Variants in RGN observed in about 807,000 individuals in gnomAD.
RGN encodes regucalcin, also known as epididymis secretory protein Li 41.
In RGN, 19 loss-of-function variants were observed where a neutral mutation model predicts 20.6. That is an observed-to-expected ratio of 0.92 (90% confidence interval 0.64 to 1.35). The LOEUF (loss-of-function observed/expected upper bound fraction) is 1.35. Ranked by LOEUF, RGN falls within the 40% of genes most tolerant of loss-of-function variation. RGN has a pLI of 0.00. For synonymous variants in RGN, 85 were observed against 87.2 expected (o/e 0.97, Z 0.14); for missense variants, 302 against 232.7 (o/e 1.30, Z -1.94).
chrX:47,080,165 G>C (rs1189645294), intron 1 of RGN, among the ~76,000 whole-genome samples, 152 bp from the exon 2 acceptor site: 3 of 112,274 alleles, frequency 2.7e-5, no homozygotes, highest in Non-Finnish European at 5.6e-5. Context: ...TTACAGGCCT[G>C]AGCCCCTGTG....
At chrX:47,084,313 C>A in intron 3 of RGN, 105 bp from the exon 4 acceptor site, 2 of 663,546 alleles carry the variant, frequency 3.0e-6, no homozygotes, top group East Asian at 3.7e-5. Flanking sequence ...CCCATTGTCA[C>A]GAGAGCTGGG....
intron 2 of RGN, 73 bp from the exon 3 acceptor site, chrX:47,081,057 A>C: frequency 1.3e-6 from 1 of 747,107 alleles, no homozygotes; most frequent in Non-Finnish European, 2.1e-6. Flanking sequence ...CAGCCTTGCC[A>C]GTTCTTAGCC....
At chrX:47,092,268 G>A (rs1479879816) in intron 7 of RGN, 53 bp downstream of exon 7, 1 of 1,017,821 alleles carries the variant, frequency 9.8e-7, no homozygotes, top group Non-Finnish European at 1.3e-6. Context: ...AATACTTACA[G>A]GGGTAAGTAA....
At chrX:47,089,227 T>C (rs1357574563) in intron 4 of RGN, among the ~76,000 whole-genome samples, 3 of 43,958 alleles carry the variant, frequency 6.8e-5, no homozygotes, top group Non-Finnish European at 1.4e-4. Context: ...ATCCAGGTTT[T>C]ATAGCTGTGC....
Position 47,084,570 on chromosome X carries a change from A to G in RGN, c.316A>G (p.Lys106Glu). ...DKKNNRFNDG[K>E]VDPAGRYFAG... is the part of the protein sequence containing the mutation. ...GAAAAACAATCGCTTCAATGATGGG[A>G]AGGTGGATCCCGCCGGGAGGTACTT... The change falls in exon 4 of 8, where the codon AAG (lysine) becomes GAG (glutamate). Residue 106 changes from lysine to glutamate, a missense_variant. Coordinates refer to ENST00000397180, the MANE Select transcript of RGN (RefSeq NM_152869.4). 8.4e-7 allele frequency: 1 copy of G among 1,197,398 alleles called. No homozygotes were observed. The highest frequency in any genetic ancestry group is 1.8e-5 in the South Asian group (1 of 54,763).
In RGN at chrX:47,089,636, TA is replaced by T. The variant is rs1930838501; in HGVS notation, c.347-139del. 11 of 289,268 alleles carry T rather than the reference TA, an allele frequency of 3.8e-5. No individual in the cohort carries two copies. The East Asian group carries it at 6.6e-4, about 17-fold the overall frequency. 23.8% of individuals were successfully genotyped at this position (289,268 alleles called of 1,213,427 possible). On this transcript the variant is annotated intron_variant, in intron 4 of 7. Transcript: ENST00000397180. Reference sequence around the variant, plus strand: ...ACACACACACACACACACACACATATATATATATGGCCCAGATTGGAATTGT... The same window carrying T: ...ACACACACACACACACACACACATATTATATATGGCCCAGATTGGAATTGT...
Position 47,084,563 on chromosome X carries a change from T to C in RGN, c.309T>C (p.Asn103=). Residue 103 remains asparagine, a synonymous_variant, in exon 4 of 8, where the codon AAT becomes AAC. Coordinates refer to ENST00000397180, the MANE Select transcript of RGN (RefSeq NM_152869.4). The part of the protein sequence containing the change: ...VDNDKKNNRF[N]DGKVDPAGRY... ...ACGACAAGAAAAACAATCGCTTCAA[T>C]GATGGGAAGGTGGATCCCGCCGGGA... 4 of 1,198,918 alleles carry C rather than the reference T, an allele frequency of 3.3e-6. No individual in the cohort carries two copies. The highest frequency in any genetic ancestry group is 4.5e-6 in the Non-Finnish European group (4 of 888,473).
chrX:47,079,533 C>T (rs1930203022), intron 1 of RGN, among the ~76,000 whole-genome samples: 1 of 107,698 alleles, frequency 9.3e-6, no homozygotes, highest in South Asian at 4.1e-4. Flanking sequence ...CGGGTTCAAA[C>T]GATTCTCCTG....
At chrX:47,082,396 A>G (rs1296960955) in intron 3 of RGN, among the ~76,000 whole-genome samples, 5 of 99,567 alleles carry the variant, frequency 5.0e-5, no homozygotes, top group Non-Finnish European at 9.9e-5. Context: ...CTACAGCCTC[A>G]ATCTCCCAGG....
intron 4 of RGN, among the ~76,000 whole-genome samples, chrX:47,087,044 A>G (rs782162721): frequency 8.9e-6 from 1 of 111,899 alleles, no homozygotes; most frequent in Non-Finnish European, 1.9e-5. Flanking sequence ...TTTTACATTC[A>G]TTGATGATTC....
chrX:47,082,271 C>T (rs1450636776), intron 3 of RGN, among the ~76,000 whole-genome samples: 2 of 99,765 alleles, frequency 2.0e-5, no homozygotes, highest in African/African-American at 7.3e-5. Context: ...AATCTTGGGA[C>T]ATTCTTTCTC....
chrX:47,091,529 T>C (rs934604379), intron 5 of RGN, 149 bp from the exon 6 acceptor site: 2 of 557,451 alleles, frequency 3.6e-6, no homozygotes, highest in Non-Finnish European at 5.4e-6. Context: ...AATCATGTGG[T>C]AAAAATCCTT....
intron 3 of RGN, 104 bp downstream of exon 3, chrX:47,081,411 C>T (rs1485982757): frequency 1.6e-5 from 11 of 708,769 alleles, no homozygotes; most frequent in South Asian, 8.0e-5. Flanking sequence ...ACACTTGTCA[C>T]GCTGTCTGTC....
In RGN at chrX:47,084,529, C is replaced by T. The variant is rs374714195; in HGVS notation, c.275C>T (p.Thr92Met). Residue 92 changes from threonine (T) to methionine (M), a missense_variant, in exon 4 of 8, where the codon ACG becomes ATG. Coordinates refer to ENST00000397180, the MANE Select transcript of RGN (RefSeq NM_152869.4). Reference sequence around the variant, plus strand: ...GAACAATCAGCAGTTGTCTTGGCCACGGTGGATAACGACAAGAAAAACAAT... The same window carrying T: ...GAACAATCAGCAGTTGTCTTGGCCATGGTGGATAACGACAAGAAAAACAAT... ...WKEQSAVVLA[T>M]VDNDKKNNRF... 24 of 1,201,096 alleles carry T rather than the reference C, an allele frequency of 2.0e-5. No homozygotes were observed. The highest frequency in any genetic ancestry group is 1.6e-4 in the South Asian group (9 of 55,207).
intron 3 of RGN, among the ~76,000 whole-genome samples, chrX:47,083,117 G>T (rs1243967150): frequency 9.0e-6 from 1 of 111,574 alleles, no homozygotes; most frequent in Non-Finnish European, 1.9e-5. Flanking sequence ...AAGCTTTCTT[G>T]GCCGGGTGCA....
rs1214612433 is a variant in RGN at position 47,081,140 on chromosome X, C to T, written c.-5C>T. 35 of 1,201,132 alleles carry T rather than the reference C, an allele frequency of 2.9e-5. No individual in the cohort carries two copies. Among genetic ancestry groups the T allele is most frequent in the African/African-American group, 1.8e-4 (10 of 56,846 alleles). ...TGTTACCTTCAATAGATCTCCCCTG[C>T]GACCATGTCTTCCATTAAGATTGAG... On this transcript the variant is annotated 5_prime_UTR_variant, in exon 3 of 8. Coordinates refer to ENST00000397180, the MANE Select transcript of RGN (RefSeq NM_152869.4).
At chrX:47,083,674 G>A (rs1602443349) in intron 3 of RGN, among the ~76,000 whole-genome samples, 2 of 112,127 alleles carry the variant, frequency 1.8e-5, no homozygotes, top group Middle Eastern at 9.2e-3. Flanking sequence ...ACTTTGTGAG[G>A]CCAAGGCGGG....
chrX:47,083,637 G>A lies in RGN; in HGVS notation c.164-781G>A, dbSNP rs782030656. On this transcript the variant is annotated intron_variant, in intron 3 of 7. Coordinates refer to ENST00000397180, the MANE Select transcript of RGN (RefSeq NM_152869.4). Reference sequence around the variant, plus strand: ...AGAAAAGACGAATCCTGGGCCTGGCGTGGTGGCTCACGCCTAATATCCCAA... The same window carrying A: ...AGAAAAGACGAATCCTGGGCCTGGCATGGTGGCTCACGCCTAATATCCCAA... 1.2e-4 allele frequency among the ~76,000 whole-genome samples: 13 copies of A among 112,078 alleles called. No individual in the cohort carries two copies. In the South Asian group the frequency reaches 1.8e-3, roughly 16 times the overall value.
rs1930494672 is a variant in RGN, at chrX:47,084,496, A to G, written c.242A>G (p.Asn81Ser). The change falls in exon 4 of 8, where the codon AAC becomes AGC. Residue 81 changes from asparagine (N) to serine (S), a missense_variant. Coordinates refer to ENST00000397180, the MANE Select transcript of RGN (RefSeq NM_152869.4). ...ATIGTKFCAL[N>S]WKEQSAVVLA... ...ATTGGAACAAAGTTCTGTGCTTTGA[A>G]CTGGAAAGAACAATCAGCAGTTGTC... The G allele has an allele frequency of 8.3e-7, 1 of 1,205,976 alleles. No individual in the cohort carries two copies. The highest frequency in any genetic ancestry group is 1.7e-5 in the African/African-American group (1 of 57,862).
Sources: allele counts gnomAD v4.1 joint callset (sites outside exome capture counted in the v4.1 genomes callset), GRCh38; gene constraint gnomAD v4.1.1; transcripts MANE v1.5; gene names NCBI Gene and HGNC (gene_info 2026-07-23, HGNC 2026-07-21).